Variants in KCTD1 observed in about 807,000 individuals in gnomAD.
The protein encoded by KCTD1 is potassium channel tetramerization domain containing 1.
KCTD1 carries 24 observed loss-of-function variants against 66.0 expected under a neutral mutation model. That is an observed-to-expected ratio of 0.36 (90% confidence interval 0.26 to 0.51). The LOEUF is 0.51. Among genes scored for constraint, KCTD1 ranks in the 20% least tolerant of loss-of-function variants. The pLI is 0.95. For synonymous variants in KCTD1, 511 were observed against 517.2 expected (o/e 0.99, Z 0.16); for missense variants, 943 against 1,205.2 (o/e 0.78, Z 3.22).
intron 1 of KCTD1, among the ~76,000 whole-genome samples, chr18:26,638,107 C>A (rs142849875): frequency 6.6e-6 from 1 of 152,332 alleles, no homozygotes. Context: ...TTTGCACTCA[C>A]TGTACATTTT....
At chr18:26,499,834 G>C (rs547389560) in intron 2 of KCTD1, among the ~76,000 whole-genome samples, 6 of 152,104 alleles carry the variant, frequency 3.9e-5, no homozygotes, top group Non-Finnish European at 1.5e-5. Flanking sequence ...CCTGTTTCCC[G>C]ACATTACCCT....
At chr18:26,527,342 G>A (rs916068810) in intron 1 of KCTD1, among the ~76,000 whole-genome samples, 4 of 152,146 alleles carry the variant, frequency 2.6e-5, no homozygotes, top group Non-Finnish European at 1.5e-5. Context: ...CTGCTTTAGT[G>A]TCCTAATTCC....
intron 1 of KCTD1, among the ~76,000 whole-genome samples, chr18:26,645,819 G>C (rs902350818): frequency 3.3e-5 from 5 of 152,144 alleles, no homozygotes; most frequent in Non-Finnish European, 5.9e-5. Context: ...GAACCTGCTA[G>C]AAATGCAAAT....
chr18:26,656,985 C>T (rs1331756940), intron 1 of KCTD1, among the ~76,000 whole-genome samples: 2 of 149,020 alleles, frequency 1.3e-5, no homozygotes, highest in East Asian at 2.0e-4. Flanking sequence ...GGCTCTGGCA[C>T]GGGCTCCCAG....
intron 3 of KCTD1, 143 bp from the exon 4 acceptor site, chr18:26,460,068 G>A (rs1980336160): frequency 9.4e-6 from 6 of 638,756 alleles, no homozygotes; most frequent in African/African-American, 1.8e-5. Context: ...CGACATGTTT[G>A]TAGAGGCTCA....
intron 1 of KCTD1, chr18:26,599,565 C>T (rs778757883): frequency 3.3e-6 from 5 of 1,501,102 alleles, no homozygotes; most frequent in Non-Finnish European, 4.6e-6. Flanking sequence ...TTGCAGTCTG[C>T]CCACAAAGAA....
intron 1 of KCTD1, among the ~76,000 whole-genome samples, chr18:26,620,610 A>G (rs1987359291): frequency 6.6e-6 from 1 of 150,446 alleles, no homozygotes; most frequent in Admixed American, 6.6e-5. Context: ...TAATTTTTGT[A>G]TTTTTTGTAG....
chr18:26,483,955 TAGA>T (rs1328411096), intron 2 of KCTD1, among the ~76,000 whole-genome samples: 1 of 152,222 alleles, frequency 6.6e-6, no homozygotes, highest in East Asian at 1.9e-4. Context: ...ATGAAACCTT[TAGA>T]AAAGTATTCT....
intron 3 of KCTD1, among the ~76,000 whole-genome samples, chr18:26,467,802 G>A (rs538124696): frequency 2.0e-4 from 30 of 152,102 alleles, no homozygotes; most frequent in East Asian, 1.2e-3. Context: ...GTGACAGAGC[G>A]AGACCCTATC....
At chr18:26,470,864 C>T (rs546710416) in intron 3 of KCTD1, among the ~76,000 whole-genome samples, 1 of 152,250 alleles carries the variant, frequency 6.6e-6, no homozygotes, top group East Asian at 1.9e-4. Flanking sequence ...GCTGCATAGG[C>T]ACACAGAGGG....
In KCTD1 at chr18:26,614,169, A is replaced by G. The variant is rs141433591; in HGVS notation, c.-16+14978T>C. On this transcript the variant is annotated intron_variant, in intron 1 of 4. Transcript: ENST00000317932. The stretch of plus-strand genomic sequence containing the variant: ...CTAGTCTAGTGTCTACTCCATGGGA[A>G]CAGAAACTGTTCCTGCTATATTCTA... 1.4e-3 allele frequency among the ~76,000 whole-genome samples: 208 copies of G among 152,364 alleles called. 1 individual carries two copies. The highest frequency in any genetic ancestry group is 4.8e-3 in the African/African-American group (200 of 41,586).
intron 1 of KCTD1, among the ~76,000 whole-genome samples, chr18:26,561,341 A>T (rs185130397): frequency 6.6e-4 from 101 of 152,308 alleles, no homozygotes; most frequent in African/African-American, 2.4e-3. Flanking sequence ...TGAATTTTGC[A>T]ACATGAGTAT....
At chr18:26,532,628 T>G (rs1395316283) in intron 1 of KCTD1, among the ~76,000 whole-genome samples, 1 of 152,180 alleles carries the variant, frequency 6.6e-6, no homozygotes, top group African/African-American at 2.4e-5. Flanking sequence ...TCTCCTCACC[T>G]GTGATGTCTG....
At chr18:26,648,321 G>C (rs1022809301) in intron 1 of KCTD1, among the ~76,000 whole-genome samples, 6 of 152,244 alleles carry the variant, frequency 3.9e-5, no homozygotes, top group Non-Finnish European at 7.4e-5. Context: ...AAATTTTAAA[G>C]AGCAAGACAA....
chr18:26,501,039 GT>G, intron 2 of KCTD1, 32 bp downstream of exon 2: 3 of 1,604,490 alleles, frequency 1.9e-6, no homozygotes, highest in Non-Finnish European at 2.6e-6. Flanking sequence ...ATACATGCAC[GT>G]CGGAGTCTGA....
chr18:26,656,986 G>T (rs936132437), intron 1 of KCTD1, among the ~76,000 whole-genome samples: 1 of 149,548 alleles, frequency 6.7e-6, no homozygotes, highest in Non-Finnish European at 1.5e-5. Context: ...GCTCTGGCAC[G>T]GGCTCCCAGA....
At chr18:26,530,049 C>T (rs866158265) in intron 1 of KCTD1, among the ~76,000 whole-genome samples, 30 of 152,294 alleles carry the variant, frequency 2.0e-4, no homozygotes, top group Middle Eastern at 3.4e-3. Flanking sequence ...TGCTTACTTA[C>T]GAATCAGAGT....
intron 4 of KCTD1, 56 bp from the exon 5 acceptor site, chr18:26,455,957 A>G (rs1457423564): frequency 1.6e-5 from 25 of 1,550,748 alleles, no homozygotes; most frequent in Non-Finnish European, 2.2e-5. Flanking sequence ...CTATGGCTAC[A>G]TAAACACCCC....
At chr18:26,597,048 G>A (rs528227057) in intron 1 of KCTD1, among the ~76,000 whole-genome samples, 63 of 152,170 alleles carry the variant, frequency 4.1e-4, no homozygotes, top group African/African-American at 1.5e-3. Flanking sequence ...AGAAGGCACT[G>A]GAGTCTCGGT....
Sources: allele counts gnomAD v4.1 joint callset (sites outside exome capture counted in the v4.1 genomes callset), GRCh38; gene constraint gnomAD v4.1.1; transcripts MANE v1.5; gene names NCBI Gene and HGNC (gene_info 2026-07-23, HGNC 2026-07-21).